The following PARVA variants were observed in gnomAD, a reference collection of about 807,000 sequenced individuals.
The protein encoded by PARVA is alpha-parvin.
A neutral mutation model predicts 52.6 loss-of-function variants in PARVA; 25 were observed. The observed-to-expected ratio is 0.48, with a 90% CI of 0.35 to 0.66. The LOEUF is 0.66. Among genes scored for constraint, PARVA ranks in the 30% least tolerant of loss-of-function variants. The pLI, the probability that PARVA is intolerant of heterozygous loss-of-function variation, is 0.01. For missense variants in PARVA, 373 were observed against 450.9 expected, an observed-to-expected ratio of 0.83 and a Z score of 1.56; for synonymous variants, 185 against 179.1, an observed-to-expected ratio of 1.03 and a Z score of -0.26.
intron 1 of PARVA, among the ~76,000 whole-genome samples, chr11:12,391,021 A>G (rs1163493906): frequency 3.3e-5 from 5 of 152,292 alleles, no homozygotes; most frequent in East Asian, 3.9e-4. Flanking sequence ...GCACATGCCC[A>G]AGTTCCCAGA....
chr11:12,377,524 T>A (rs769271527), upstream of PARVA: 69 of 1,442,232 alleles, frequency 4.8e-5, no homozygotes, highest in African/African-American at 8.9e-4. Context: ...GTGAGCTGCC[T>A]CAAATGCTTG....
intron 1 of PARVA, among the ~76,000 whole-genome samples, chr11:12,442,561 G>A (rs1050153912): frequency 6.6e-6 from 1 of 152,102 alleles, no homozygotes; most frequent in Non-Finnish European, 1.5e-5. Flanking sequence ...TGGAGGAGAT[G>A]TAGGGCAGAA....
chr11:12,425,791 CAG>C (rs1940223140), intron 1 of PARVA, among the ~76,000 whole-genome samples: 1 of 152,174 alleles, frequency 6.6e-6, no homozygotes, highest in African/African-American at 2.4e-5. Context: ...AAATATATGG[CAG>C]ACGTTAAGAA....
intron 1 of PARVA, among the ~76,000 whole-genome samples, chr11:12,435,047 C>T (rs1431184396): frequency 1.3e-5 from 2 of 152,170 alleles, no homozygotes; most frequent in Non-Finnish European, 2.9e-5. Context: ...TTTTTTGCTT[C>T]TATTCATACA....
intron 8 of PARVA, among the ~76,000 whole-genome samples, chr11:12,511,737 T>C (rs1396924161): frequency 9.2e-6 from 1 of 108,552 alleles, no homozygotes; most frequent in Non-Finnish European, 2.2e-5. Flanking sequence ...TCTTGAAAGT[T>C]ATCAGGCCAT....
In PARVA at chr11:12,528,012, C is replaced by G; in HGVS notation, c.*87C>G. 2.2e-6 allele frequency: 2 copies of G among 912,716 alleles called. No homozygotes were observed. The highest frequency in any genetic ancestry group is 3.7e-6 in the Non-Finnish European group (2 of 543,004). 56.5% of individuals were successfully genotyped at this position (912,716 alleles called of 1,614,324 possible). A position where few individuals can be genotyped will look rare whatever the true frequency, so the allele number is the denominator to read the frequency against. On this transcript the variant is annotated 3_prime_UTR_variant, in exon 13 of 13. Transcript: ENST00000334956. Reference sequence around the variant, plus strand: ...CCGAACTGCCTTACCCTGCTTATTCCTGTCTCTTGCACTGTGCTCTCCCAC... The same window carrying G: ...CCGAACTGCCTTACCCTGCTTATTCGTGTCTCTTGCACTGTGCTCTCCCAC...
intron 10 of PARVA, among the ~76,000 whole-genome samples, chr11:12,515,980 G>T (rs141104842): frequency 1.4e-3 from 210 of 152,282 alleles, no homozygotes; most frequent in African/African-American, 4.9e-3. Context: ...GGGACTACAG[G>T]CATGCACCAA....
At chr11:12,495,251 G>A (rs1159348603) in intron 4 of PARVA, among the ~76,000 whole-genome samples, 1 of 152,172 alleles carries the variant, frequency 6.6e-6, no homozygotes, top group Non-Finnish European at 1.5e-5. Context: ...TTGTCCTACT[G>A]AGGTGCTTAA....
rs373199282 is a variant in PARVA, at chr11:12,508,657, T to C, written c.716+15T>C. The C allele has an allele frequency of 8.2e-6, 13 of 1,576,388 alleles. No homozygotes were observed. Among genetic ancestry groups the C allele is most frequent in the Non-Finnish European group, 1.0e-5 (12 of 1,148,796 alleles). On this transcript the variant is annotated intron_variant, in intron 7 of 12. Transcript: ENST00000334956. ...GGTAACACAGAGTATGTCAACACCA[T>C]TGTTGCCAGCGATTCTGTAATGGAA...
Position 12,471,164 on chromosome 11 carries a change from T to C in PARVA, c.137-2581T>C, listed in dbSNP as rs568293428. Among the ~76,000 whole-genome samples the C allele has an allele frequency of 2.0e-5, 3 of 152,310 alleles. No homozygotes were observed. In the East Asian group the frequency reaches 5.8e-4, roughly 29 times the overall value. On this transcript the variant is annotated intron_variant, in intron 1 of 12. Coordinates refer to ENST00000334956, the MANE Select transcript of PARVA (RefSeq NM_018222.5). Reference sequence around the variant, plus strand: ...ATAAGAATAAAGAACAGGTTCATTTTAGTGCTGGTATGGTGGGTATGAGGG... The same window carrying C: ...ATAAGAATAAAGAACAGGTTCATTTCAGTGCTGGTATGGTGGGTATGAGGG...
intron 1 of PARVA, among the ~76,000 whole-genome samples, chr11:12,453,816 G>T (rs1474306104): frequency 6.6e-6 from 1 of 152,126 alleles, no homozygotes; most frequent in African/African-American, 2.4e-5. Context: ...ACTAATAAAG[G>T]AATAAAAAGG....
At chr11:12,378,713 A>G (rs894621856) in intron 1 of PARVA, among the ~76,000 whole-genome samples, 7 of 150,910 alleles carry the variant, frequency 4.6e-5, no homozygotes, top group Non-Finnish European at 1.0e-4. Flanking sequence ...GTGTGTAGAT[A>G]GAAGTTGCTG....
chr11:12,519,964 CACAGTG>C (rs111817178), intron 12 of PARVA, among the ~76,000 whole-genome samples: 95 of 152,316 alleles, frequency 6.2e-4, no homozygotes, highest in African/African-American at 2.2e-3. Context: ...GGAGGACAGA[CACAGTG>C]AGAAAGTTCC....
intron 10 of PARVA, among the ~76,000 whole-genome samples, chr11:12,516,168 C>G (rs527375071): frequency 5.3e-5 from 8 of 152,238 alleles, no homozygotes; most frequent in Non-Finnish European, 7.3e-5. Context: ...AGCGCAAGCT[C>G]AGGGTCTTGT....
intron 1 of PARVA, chr11:12,452,669 G>T: frequency 5.1e-6 from 1 of 196,638 alleles, no homozygotes; most frequent in Non-Finnish European, 1.1e-5. Flanking sequence ...CCCCTACCCT[G>T]CTCTACAGGT....
At chr11:12,494,697 T>C (rs1941275927) in intron 4 of PARVA, among the ~76,000 whole-genome samples, 1 of 151,478 alleles carries the variant, frequency 6.6e-6, no homozygotes, top group Admixed American at 6.6e-5. Flanking sequence ...CAAGAAAAAG[T>C]TATTGACCTA....
At position 12,531,927 on chromosome 11, in the gene PARVA, A is replaced by C. The variant is rs10734200; in HGVS notation, c.*4002A>C. Among the ~76,000 whole-genome samples, 148,924 of 152,192 alleles carry C rather than the reference A, an allele frequency of 0.98. 72,943 individuals carry two copies. Among genetic ancestry groups the C allele is most frequent in the East Asian group, 1 (5,174 of 5,174 alleles). On this transcript the variant is annotated 3_prime_UTR_variant, in exon 13 of 13. Transcript: ENST00000334956. The stretch of plus-strand genomic sequence containing the variant: ...TGCAGATTTGGGTCTTACCAAAAGA[A>C]AAGTCAGTATGAGTTACTCACAATC...
intron 1 of PARVA, among the ~76,000 whole-genome samples, chr11:12,395,138 A>G (rs1010134307): frequency 2.0e-5 from 3 of 151,624 alleles, no homozygotes; most frequent in South Asian, 2.1e-4. Context: ...AAGTTTTTAC[A>G]TGGGTTTTGC....
At chr11:12,432,035 C>A (rs1024931094) in intron 1 of PARVA, among the ~76,000 whole-genome samples, 1 of 152,192 alleles carries the variant, frequency 6.6e-6, no homozygotes, top group Non-Finnish European at 1.5e-5. Context: ...AAGGGAAGAG[C>A]TCTGCAAAGG....
Sources: gnomAD v4.1 joint callset for allele counts (sites outside exome capture counted in the v4.1 genomes callset) on GRCh38, gnomAD v4.1.1 for gene constraint, MANE v1.5 for transcripts, NCBI Gene and HGNC (gene_info 2026-07-23, HGNC 2026-07-21) for gene names.